RPTOR: variants seen among roughly 807,000 people sequenced by gnomAD.
The protein encoded by RPTOR is regulatory-associated protein of mTOR.
In RPTOR, 21 loss-of-function variants were observed where a neutral mutation model predicts 169.9. That is an observed-to-expected ratio of 0.12 (90% CI 0.09 to 0.18). The LOEUF is 0.18. Ranked by LOEUF, RPTOR falls within the 10% of genes least tolerant of loss-of-function variation. The probability of loss-of-function intolerance (pLI) is 1.00; values close to 1 mark genes in which losing one functional copy is unlikely to be tolerated. For synonymous variants in RPTOR, 732 were observed against 753.2 expected, an observed-to-expected ratio of 0.97 and a Z score of 0.46; for missense variants, 1,133 against 1,855.9, an observed-to-expected ratio of 0.61 and a Z score of 7.16.
At chr17:80,602,697 A>T in intron 1 of RPTOR, 1 of 747,310 alleles carries the variant, frequency 1.3e-6, no homozygotes. Context: ...GACATTCCTT[A>T]TTCCTTTGGC....
intron 7 of RPTOR, among the ~76,000 whole-genome samples, chr17:80,815,672 A>G (rs1787534038): frequency 6.6e-6 from 1 of 152,256 alleles, no homozygotes; most frequent in Non-Finnish European, 1.5e-5. Context: ...TTATCTAGCT[A>G]CACAGAAAAT....
At chr17:80,547,966 C>T (rs1599538272) in intron 1 of RPTOR, among the ~76,000 whole-genome samples, 1 of 151,330 alleles carries the variant, frequency 6.6e-6, no homozygotes, top group African/African-American at 2.4e-5. Flanking sequence ...AGTCAGCAAA[C>T]TTTTTTTTTC....
At chr17:80,817,154 G>T (rs2143596407) in intron 7 of RPTOR, among the ~76,000 whole-genome samples, 2 of 152,342 alleles carry the variant, frequency 1.3e-5, no homozygotes, top group East Asian at 3.9e-4. Context: ...CAGCGGTGGT[G>T]GAGGTAGTGT....
intron 3 of RPTOR, among the ~76,000 whole-genome samples, chr17:80,681,567 TCTTACACCTTCATGAGGTGTACGTC>T: frequency 7.0e-6 from 1 of 143,464 alleles, no homozygotes; most frequent in Non-Finnish European, 1.6e-5. Flanking sequence ...TTTCTAGTTC[TCTTACACCTTCATGAGGTGTACGTC>T]TCTTACACCT....
intron 1 of RPTOR, among the ~76,000 whole-genome samples, chr17:80,560,453 A>G (rs2084467072): frequency 6.6e-6 from 1 of 152,146 alleles, no homozygotes; most frequent in African/African-American, 2.4e-5. Context: ...TTTCCAGTCT[A>G]TCAGGGCAGA....
intron 4 of RPTOR, among the ~76,000 whole-genome samples, chr17:80,712,191 A>G (rs1389610646): frequency 6.6e-6 from 1 of 152,004 alleles, no homozygotes; most frequent in African/African-American, 2.4e-5. Flanking sequence ...GTTTTTTACA[A>G]TTGGTAAACT....
intron 6 of RPTOR, among the ~76,000 whole-genome samples, chr17:80,781,756 G>A (rs966061494): frequency 1.3e-5 from 2 of 152,218 alleles, no homozygotes; most frequent in South Asian, 2.1e-4. Context: ...GCTATGGGAA[G>A]GCAAGAGAAA....
chr17:80,791,457 A>C lies in RPTOR; in HGVS notation c.838A>C (p.Met280Leu), dbSNP rs762583016. Residue 280 changes from methionine to leucine, a missense_variant, in exon 7 of 34, where the codon ATG becomes CTG. Met to Leu is a conservative substitution (Grantham distance 15). This residue lies in a region of RPTOR where 289 missense variants were observed against 585.8 expected (regional missense o/e 0.49). Transcript: ENST00000306801. ...PIKIALRWFC[M>L]QKCVSLVPGV... is the part of the protein sequence containing the mutation. ...TCTTTTCTTTCTCTGCAGGTTTTGC[A>C]TGCAGAAATGTGTCAGTCTGGTGCC... The C allele has an allele frequency of 1.2e-6, 2 of 1,613,266 alleles. No individual in the cohort carries two copies. The highest frequency in any genetic ancestry group is 1.7e-5 in the Admixed American group (1 of 59,774).
intron 3 of RPTOR, among the ~76,000 whole-genome samples, chr17:80,701,498 C>T (rs745591969): frequency 2.6e-5 from 4 of 152,148 alleles, no homozygotes; most frequent in Non-Finnish European, 4.4e-5. Flanking sequence ...AGGTCAGGTC[C>T]GCCTAAAGGT....
At chr17:80,895,582 G>A (rs2068388663) in intron 20 of RPTOR, among the ~76,000 whole-genome samples, 1 of 152,254 alleles carries the variant, frequency 6.6e-6, no homozygotes, top group South Asian at 2.1e-4. Flanking sequence ...ACGGGCACGT[G>A]TGTGGTGCGT....
At chr17:80,781,097 A>G (rs1402865505) in intron 6 of RPTOR, among the ~76,000 whole-genome samples, 1 of 152,196 alleles carries the variant, frequency 6.6e-6, no homozygotes, top group East Asian at 1.9e-4. Context: ...CAGGGCAGGA[A>G]GGATAATAAC....
intron 7 of RPTOR, among the ~76,000 whole-genome samples, chr17:80,811,109 A>G (rs1399267323): frequency 2.0e-5 from 3 of 152,228 alleles, no homozygotes; most frequent in African/African-American, 7.2e-5. Context: ...TGTCTCCAGT[A>G]TAATGTTAAA....
intron 11 of RPTOR, among the ~76,000 whole-genome samples, chr17:80,853,739 G>A (rs1266201409): frequency 6.6e-6 from 1 of 152,224 alleles, no homozygotes; most frequent in Non-Finnish European, 1.5e-5. Flanking sequence ...AGCACTTTGG[G>A]AGGCCAAGGC....
Position 80,835,535 on chromosome 17 carries a change from G to A in RPTOR, c.1137-2387G>A, listed in dbSNP as rs567719737. Among the ~76,000 whole-genome samples the A allele has an allele frequency of 5.3e-5, 8 of 152,280 alleles. No homozygotes were observed. The East Asian group carries it at 7.7e-4, about 15-fold the overall frequency. On this transcript the variant is annotated intron_variant, in intron 9 of 33. Transcript: ENST00000306801. ...GCTGTCCTTCCTCCATCCCTACGAC[G>A]AAGGTTGAGTGTCCCTAATTCAAAA...
rs558834702 is a variant in RPTOR, at chr17:80,860,770, G to A, written c.1509+2870G>A. On this transcript the variant is annotated intron_variant, in intron 13 of 33. Coordinates refer to ENST00000306801, the MANE Select transcript of RPTOR (RefSeq NM_020761.3). The surrounding 1 kb of genome is among the most constrained non-coding windows in gnomAD (Gnocchi z 5.8). Reference sequence around the variant, plus strand: ...ATGTATATGCTCTCTCCAAGCAGAAGCAGCTTCCAGCCCCTCTTCCGGTTC... The same window carrying A: ...ATGTATATGCTCTCTCCAAGCAGAAACAGCTTCCAGCCCCTCTTCCGGTTC... 1.3e-5 allele frequency among the ~76,000 whole-genome samples: 2 copies of A among 152,096 alleles called. No homozygotes were observed. Among genetic ancestry groups the A allele is most frequent in the Admixed American group, 1.3e-4 (2 of 15,272 alleles).
In RPTOR at chr17:80,707,986, G is replaced by C. The variant is rs2066154374; in HGVS notation, c.494G>C (p.Trp165Ser). The change falls in exon 4 of 34, where the codon TGG becomes TCG. Residue 165 changes from tryptophan (W) to serine (S), a missense_variant. Physicochemically the swap from Trp to Ser is radical, Grantham distance 177. Coordinates refer to ENST00000306801, the MANE Select transcript of RPTOR (RefSeq NM_020761.3). This position sits in a 1 kb window ranked among gnomAD's most constrained non-coding sequence, Gnocchi z 5.0. ...CGGCCCACAGTCAACGGGGAGGTCT[G>C]GGTCTTCAACAAGGTGGGTGTGCCT... is the stretch of plus-strand genomic sequence containing the variant. ...VPRPTVNGEV[W>S]VFNKNYTQYI... 1 of 1,612,752 alleles carries C rather than the reference G, an allele frequency of 6.2e-7. No individual in the cohort carries two copies. The highest frequency in any genetic ancestry group is 8.5e-7 in the Non-Finnish European group (1 of 1,179,770).
At chr17:80,778,895 T>C (rs1262418805) in intron 6 of RPTOR, among the ~76,000 whole-genome samples, 1 of 152,200 alleles carries the variant, frequency 6.6e-6, no homozygotes, top group Non-Finnish European at 1.5e-5. Flanking sequence ...ATGTGCGGTG[T>C]CTGGCCGCGG....
chr17:80,613,623 T>A (rs1408994673), intron 1 of RPTOR, among the ~76,000 whole-genome samples: 2 of 149,846 alleles, frequency 1.3e-5, no homozygotes, highest in African/African-American at 5.1e-5. Flanking sequence ...ACACAGGTGC[T>A]CTCTATGGTT....
At chr17:80,581,488 ACCG>A (rs2143362103) in intron 1 of RPTOR, among the ~76,000 whole-genome samples, 1 of 147,488 alleles carries the variant, frequency 6.8e-6, no homozygotes, top group Non-Finnish European at 1.5e-5. Context: ...TGCAGTGGAG[ACCG>A]CACATCAGGC....
Sources: gnomAD v4.1 joint callset for allele counts (sites outside exome capture counted in the v4.1 genomes callset) on GRCh38, gnomAD v4.1.1 for gene constraint, gnomAD v4.1.1 regional missense constraint, Gnocchi (gnomAD v3.1) non-coding constraint, MANE v1.5 for transcripts, NCBI Gene and HGNC (gene_info 2026-07-23, HGNC 2026-07-21) for gene names.